APOO: variants seen among roughly 807,000 people sequenced by gnomAD.
The protein encoded by APOO is apolipoprotein O.
APOO carries 11 observed loss-of-function variants against 23.1 expected under a neutral mutation model. That is an observed-to-expected ratio of 0.48 (90% confidence interval 0.30 to 0.79). The LOEUF is 0.79. APOO is among the 30% of genes least tolerant of loss of function. The pLI is 0.07. For synonymous variants in APOO, 59 were observed against 54.8 expected (o/e 1.08, Z -0.34); for missense variants, 160 against 142.7 (o/e 1.12, Z -0.62).
chrX:23,871,668 C>T (rs1029442005), intron 4 of APOO, among the ~76,000 whole-genome samples: 2 of 111,745 alleles, frequency 1.8e-5, no homozygotes, highest in African/African-American at 6.5e-5. Flanking sequence ...AAACTAATCT[C>T]CTTCCTCTGT....
rs1234912079 is a variant in APOO at position 23,844,171 on chromosome X, G to A, written c.562-3794C>T. On this transcript the variant is annotated intron_variant, in intron 7 of 8. Coordinates refer to ENST00000379226, the MANE Select transcript of APOO (RefSeq NM_024122.5). ...GCGCCAAGGGCCAAGCTCACAGCAA[G>A]TAAGTGCTCAATAAACATTATCTAT... 5.4e-5 allele frequency among the ~76,000 whole-genome samples: 6 copies of A among 112,133 alleles called. 1 individual carries two copies. Among genetic ancestry groups the A allele is most frequent in the Non-Finnish European group, 1.1e-4 (6 of 53,278 alleles).
chrX:23,856,268 C>G (rs1924778458), intron 7 of APOO, 34 bp downstream of exon 7: 1 of 1,162,141 alleles, frequency 8.6e-7, no homozygotes, highest in East Asian at 3.0e-5. Flanking sequence ...CATATTTAAA[C>G]CAAAAGGAAG....
intron 8 of APOO, chrX:23,839,999 G>A: frequency 7.4e-6 from 1 of 135,742 alleles, no homozygotes; most frequent in Admixed American, 8.5e-5. Flanking sequence ...ATAAATACAA[G>A]TGTACTTACT....
At chrX:23,835,019 G>A (rs1923591920) in intron 8 of APOO, among the ~76,000 whole-genome samples, 1 of 108,049 alleles carries the variant, frequency 9.3e-6, no homozygotes, top group Admixed American at 1.0e-4. Flanking sequence ...CACCACGCCT[G>A]GCTTTTTTTC....
chrX:23,847,934 C>T (rs1420154806), intron 7 of APOO, among the ~76,000 whole-genome samples: 2 of 105,335 alleles, frequency 1.9e-5, no homozygotes, highest in Non-Finnish European at 1.9e-5. Context: ...TGGAGTACAA[C>T]GGCGGGATCT....
chrX:23,894,221 T>C (rs1303722143), intron 1 of APOO, among the ~76,000 whole-genome samples: 1 of 108,762 alleles, frequency 9.2e-6, no homozygotes, highest in Admixed American at 9.9e-5. Context: ...CTCGGCTCAC[T>C]GGAACCTCCG....
intron 1 of APOO, among the ~76,000 whole-genome samples, chrX:23,889,225 A>C (rs1926515283): frequency 8.9e-6 from 1 of 111,875 alleles, no homozygotes; most frequent in African/African-American, 3.2e-5. Flanking sequence ...CAGTTTACCA[A>C]GACATGAATC....
chrX:23,873,867 C>G (rs1029946574), intron 4 of APOO, among the ~76,000 whole-genome samples: 1 of 111,204 alleles, frequency 9.0e-6, no homozygotes, highest in African/African-American at 3.3e-5. Flanking sequence ...TAAGATTAGT[C>G]AGAACATGGA....
At chrX:23,839,095 C>T (rs1923853026) in intron 8 of APOO, among the ~76,000 whole-genome samples, 1 of 111,941 alleles carries the variant, frequency 8.9e-6, no homozygotes, top group South Asian at 3.7e-4. Context: ...ATATCTGGCC[C>T]CATTCACCAG....
At chrX:23,867,574 G>A (rs1424437144) in intron 5 of APOO, among the ~76,000 whole-genome samples, 5 of 110,581 alleles carry the variant, frequency 4.5e-5, no homozygotes, top group African/African-American at 9.9e-5. Flanking sequence ...ACGGAGTCTC[G>A]CACTGTCGCC....
At chrX:23,905,234 C>T (rs1211393899) in intron 1 of APOO, among the ~76,000 whole-genome samples, 1 of 108,726 alleles carries the variant, frequency 9.2e-6, no homozygotes, top group African/African-American at 3.4e-5. Flanking sequence ...ATTAAAAATA[C>T]AAAAAAATTA....
At chrX:23,885,628 A>G (rs1235221236) in intron 1 of APOO, among the ~76,000 whole-genome samples, 1 of 109,408 alleles carries the variant, frequency 9.1e-6, no homozygotes, top group Admixed American at 9.9e-5. Context: ...ATTAATTTCT[A>G]CTTTACCTTC....
chrX:23,877,667 G>C (rs1202774165), intron 3 of APOO, among the ~76,000 whole-genome samples: 9 of 110,117 alleles, frequency 8.2e-5, no homozygotes, highest in African/African-American at 3.0e-4. Context: ...CCAGCTACTT[G>C]GGAGGCTGAG....
chrX:23,891,134 C>T (rs949259003), intron 1 of APOO, among the ~76,000 whole-genome samples: 3 of 111,488 alleles, frequency 2.7e-5, no homozygotes, highest in African/African-American at 9.8e-5. Flanking sequence ...GCCTTCTCTT[C>T]CTCTGCATAG....
intron 7 of APOO, among the ~76,000 whole-genome samples, chrX:23,852,196 T>C (rs1924569918): frequency 9.0e-6 from 1 of 110,841 alleles, no homozygotes; most frequent in Admixed American, 9.7e-5. Flanking sequence ...AGTGCTGGGA[T>C]TACAGGCGTG....
intron 1 of APOO, among the ~76,000 whole-genome samples, chrX:23,887,050 A>T (rs1926396962): frequency 9.1e-6 from 1 of 109,595 alleles, no homozygotes; most frequent in African/African-American, 3.3e-5. Context: ...CTGGGACATA[A>T]TAAAAAAAAA....
rs757634641 is a variant in APOO, at chrX:23,868,645, C to T, written c.336G>A (p.Pro112=). The T allele has an allele frequency of 5.0e-6, 6 of 1,208,791 alleles. No homozygotes were observed. Among genetic ancestry groups the T allele is most frequent in the East Asian group, 3.0e-5 (1 of 33,779 alleles). Residue 112 remains proline, a synonymous_variant, in exon 5 of 9, where the codon CCG becomes CCA. Coordinates refer to ENST00000379226, the MANE Select transcript of APOO (RefSeq NM_024122.5). ...YLQNAPPGFF[P]RLGVIGFAGL... is the part of the protein sequence containing the mutation. ...CAGCAAAACCAATAACACCAAGTCT[C>T]GGAAAAAATCCAGGAGGTGCATTTT...
chrX:23,870,854 G>A (rs1357131834), intron 4 of APOO, among the ~76,000 whole-genome samples: 2 of 110,876 alleles, frequency 1.8e-5, no homozygotes, highest in Non-Finnish European at 3.8e-5. Context: ...ACTTTGGGAG[G>A]CCGATGCAGG....
intron 1 of APOO, among the ~76,000 whole-genome samples, chrX:23,887,076 A>C (rs1322572460): frequency 1.8e-5 from 2 of 110,241 alleles, no homozygotes; most frequent in Non-Finnish European, 3.8e-5. Flanking sequence ...AGCCTTATCA[A>C]CTTTCCTCCT....
Sources: gnomAD v4.1 joint callset for allele counts (sites outside exome capture counted in the v4.1 genomes callset) on GRCh38, gnomAD v4.1.1 for gene constraint, MANE v1.5 for transcripts, NCBI Gene and HGNC (gene_info 2026-07-23, HGNC 2026-07-21) for gene names.